The following CCDC88A variants were observed in gnomAD, a reference collection of about 807,000 sequenced individuals.
The protein encoded by CCDC88A is coiled-coil and HOOK domain protein 88A.
Under a neutral mutation model 234.3 loss-of-function variants are expected in CCDC88A, and 54 were observed. The ratio of observed to expected loss-of-function variants is 0.23; its 90% CI spans 0.19 to 0.29. The LOEUF (loss-of-function observed/expected upper bound fraction) is 0.29. Among genes scored for constraint, CCDC88A ranks in the 10% least tolerant of loss-of-function variants. The probability of loss-of-function intolerance (pLI) is 1.00; values close to 1 mark genes in which losing one functional copy is unlikely to be tolerated. For synonymous variants in CCDC88A, 753 were observed against 737.8 expected (o/e 1.02, Z -0.33); for missense variants, 1,832 against 2,123.4 (o/e 0.86, Z 2.70).
At position 55,288,371 on chromosome 2, in the gene CCDC88A, C is replaced by G. The variant is rs1436786991; in HGVS notation, c.*2829G>C. 1.3e-5 allele frequency: 2 copies of G among 152,470 alleles called. No individual in the cohort carries two copies. The highest frequency in any genetic ancestry group is 2.9e-5 in the Non-Finnish European group (2 of 67,988). The allele number at this position is 152,470 out of a possible 1,614,324, so 9.4% of individuals were successfully genotyped here. A position where few individuals can be genotyped will look rare whatever the true frequency, so the allele number is the denominator to read the frequency against. ...CTAAGTGTAGCTGAAAAGAAAAACA[C>G]AAAAATTCACCACTCACAAAAAGTA... On this transcript the variant is annotated 3_prime_UTR_variant, in exon 33 of 33. Coordinates refer to ENST00000436346, the MANE Select transcript of CCDC88A (RefSeq NM_001365480.1).
Position 55,309,348 on chromosome 2 carries a change from A to C in CCDC88A, c.4080-94T>G. On this transcript the variant is annotated intron_variant, in intron 23 of 32. Transcript: ENST00000436346. The surrounding 1 kb of genome is among the most constrained non-coding windows in gnomAD (Gnocchi z 5.1). ...GGTGACTGTGATCTAATGTCTCCCC[A>C]AAACATAAAAAAATACAGATACCAT... is the stretch of plus-strand genomic sequence containing the variant. 1 of 554,610 alleles carries C rather than the reference A, an allele frequency of 1.8e-6. No homozygotes were observed. Among genetic ancestry groups the C allele is most frequent in the Non-Finnish European group, 3.2e-6 (1 of 316,762 alleles). The allele number at this position is 554,610 out of a possible 1,614,324, so 34.4% of individuals were successfully genotyped here.
chr2:55,365,494 C>A (rs1269723598), intron 5 of CCDC88A, among the ~76,000 whole-genome samples: 1 of 152,136 alleles, frequency 6.6e-6, no homozygotes, highest in African/African-American at 2.4e-5. Flanking sequence ...ACTGCCGTAT[C>A]TTTCTCTGCC....
intron 2 of CCDC88A, among the ~76,000 whole-genome samples, chr2:55,392,530 G>T (rs1420024161): frequency 6.6e-6 from 1 of 151,990 alleles, no homozygotes; most frequent in Non-Finnish European, 1.5e-5. Context: ...CTCCAGGAAG[G>T]CCTTTTATTA....
intron 29 of CCDC88A, among the ~76,000 whole-genome samples, chr2:55,297,416 ATTTT>A (rs1200730594): frequency 2.7e-5 from 1 of 36,928 alleles, no homozygotes; most frequent in African/African-American, 6.3e-5. Context: ...ATATGTGTGT[ATTTT>A]TTTTTTTTGA....
intron 7 of CCDC88A, 131 bp downstream of exon 7, chr2:55,362,177 T>C (rs1671409415): frequency 3.1e-6 from 2 of 640,220 alleles, no homozygotes; most frequent in Admixed American, 8.2e-5. Flanking sequence ...GTTCCTGTGT[T>C]CCACACAAAA....
intron 10 of CCDC88A, among the ~76,000 whole-genome samples, 198 bp from the exon 11 acceptor site, chr2:55,344,712 G>T (rs986950808): frequency 6.6e-6 from 1 of 152,060 alleles, no homozygotes; most frequent in Non-Finnish European, 1.5e-5. Flanking sequence ...CAGTTCTTAA[G>T]ATATATAATA....
intron 26 of CCDC88A, among the ~76,000 whole-genome samples, chr2:55,302,327 A>G (rs1158072264): frequency 4.6e-5 from 7 of 152,194 alleles, no homozygotes; most frequent in Admixed American, 4.6e-4. Context: ...AATTTTACTA[A>G]GTACGACTGC....
At chr2:55,385,012 T>C (rs1214750411) in intron 3 of CCDC88A, among the ~76,000 whole-genome samples, 1 of 152,112 alleles carries the variant, frequency 6.6e-6, no homozygotes, top group African/African-American at 2.4e-5. Context: ...GCAACAAATC[T>C]GCTCTGAAGC....
At chr2:55,336,597 G>T in intron 14 of CCDC88A, 84 bp downstream of exon 14, 3 of 829,976 alleles carry the variant, frequency 3.6e-6, no homozygotes, top group South Asian at 2.4e-5. Context: ...ATGTTTATAT[G>T]AACATTTTGT....
chr2:55,395,608 T>A (rs557658467), intron 2 of CCDC88A, among the ~76,000 whole-genome samples: 1 of 152,370 alleles, frequency 6.6e-6, no homozygotes, highest in South Asian at 2.1e-4. Context: ...AAACAAAGAC[T>A]AAGCATAGTG....
intron 8 of CCDC88A, among the ~76,000 whole-genome samples, chr2:55,352,791 T>C (rs1670058339): frequency 6.6e-6 from 1 of 151,982 alleles, no homozygotes; most frequent in African/African-American, 2.4e-5. Flanking sequence ...AATTATATCA[T>C]AATGTACTGC....
At chr2:55,392,078 G>A (rs751020197) in intron 2 of CCDC88A, among the ~76,000 whole-genome samples, 1 of 152,168 alleles carries the variant, frequency 6.6e-6, no homozygotes, top group Non-Finnish European at 1.5e-5. Flanking sequence ...TTAAGTTTAG[G>A]ATATATATCC....
intron 2 of CCDC88A, among the ~76,000 whole-genome samples, chr2:55,402,717 A>T (rs559766918): frequency 6.6e-6 from 1 of 152,100 alleles, no homozygotes; most frequent in Non-Finnish European, 1.5e-5. Flanking sequence ...ATTTAAAAAA[A>T]AAAAAAAACC....
At chr2:55,397,485 C>T (rs371815007) in intron 2 of CCDC88A, 3 of 151,932 alleles carry the variant, frequency 2.0e-5, no homozygotes, top group East Asian at 3.9e-4. Context: ...TGACAATATA[C>T]AATTTGGATT....
chr2:55,344,506 T>C lies in CCDC88A; in HGVS notation c.1050A>G (p.Lys350=). The C allele has an allele frequency of 6.6e-7, 1 of 1,522,276 alleles. No homozygotes were observed. The highest frequency in any genetic ancestry group is 8.9e-7 in the Non-Finnish European group (1 of 1,119,048). The allele number at this position is 1,522,276 out of a possible 1,614,324, so 94.3% of individuals were successfully genotyped here. ...EFYKARVEEL[K]EDNQVLLETK... Reference sequence around the variant, plus strand: ...TTTCTAATAAAACTTGATTGTCTTCTTTTAATTCCTATAAATGTTTATCAC... The same window carrying C: ...TTTCTAATAAAACTTGATTGTCTTCCTTTAATTCCTATAAATGTTTATCAC... Residue 350 remains lysine, a synonymous_variant, in exon 11 of 33, where the codon AAA becomes AAG. Coordinates refer to ENST00000436346, the MANE Select transcript of CCDC88A (RefSeq NM_001365480.1).
intron 3 of CCDC88A, 195 bp downstream of exon 3, chr2:55,388,583 G>A: frequency 3.1e-6 from 1 of 323,226 alleles, no homozygotes; most frequent in Non-Finnish European, 5.6e-6. Flanking sequence ...TGTAACATTA[G>A]AAAATTATTA....
intron 5 of CCDC88A, among the ~76,000 whole-genome samples, chr2:55,365,020 G>A (rs1671771948): frequency 6.6e-6 from 1 of 152,004 alleles, no homozygotes; most frequent in Non-Finnish European, 1.5e-5. Context: ...TCTGATTTAT[G>A]CTTTACGTGT....
chr2:55,396,869 C>CAAAAA (rs34500780), intron 2 of CCDC88A, among the ~76,000 whole-genome samples: 4 of 58,882 alleles, frequency 6.8e-5, no homozygotes, highest in Non-Finnish European at 6.0e-5. Context: ...GACTCCATCT[C>CAAAAA]AAAAAAAAAA....
chr2:55,322,867 A>T, intron 17 of CCDC88A, 175 bp from the exon 18 acceptor site: 1 of 418,548 alleles, frequency 2.4e-6, no homozygotes, highest in East Asian at 3.5e-5. Flanking sequence ...TTCCTCCTAG[A>T]AATATAAAAC....
Sources: allele counts gnomAD v4.1 joint callset (sites outside exome capture counted in the v4.1 genomes callset), GRCh38; gene constraint gnomAD v4.1.1; non-coding constraint Gnocchi (gnomAD v3.1); transcripts MANE v1.5; gene names NCBI Gene and HGNC (gene_info 2026-07-23, HGNC 2026-07-21).